The following CDH13 variants were observed in gnomAD, a reference collection of about 807,000 sequenced individuals.
CDH13 encodes the protein cadherin 13, also known as cadherin-13.
A neutral mutation model predicts 63.8 loss-of-function variants in CDH13; 24 were observed. The ratio of observed to expected loss-of-function variants is 0.38; its 90% CI spans 0.27 to 0.53. The LOEUF (loss-of-function observed/expected upper bound fraction) is 0.53, where lower values mean the gene tolerates loss of function less well. Among genes scored for constraint, CDH13 ranks in the 20% least tolerant of loss-of-function variants. CDH13 has a pLI of 0.85. For synonymous variants in CDH13, 503 were observed against 355.3 expected (o/e 1.42, Z -4.67); for missense variants, 1,049 against 903.1 (o/e 1.16, Z -2.07).
chr16:82,717,457 GC>G (rs5818400), intron 1 of CDH13, among the ~76,000 whole-genome samples: 4 of 140,544 alleles, frequency 2.8e-5, no homozygotes, highest in Non-Finnish European at 4.6e-5. Context: ...AAAAAAAAGA[GC>G]CCCCCCACTC....
At chr16:83,746,419 C>G (rs1912590047) in intron 10 of CDH13, among the ~76,000 whole-genome samples, 1 of 152,160 alleles carries the variant, frequency 6.6e-6, no homozygotes, top group Non-Finnish European at 1.5e-5. Flanking sequence ...CAAACAACCC[C>G]AAGATAACTC....
intron 2 of CDH13, among the ~76,000 whole-genome samples, chr16:82,894,198 A>T (rs1038613109): frequency 2.0e-5 from 3 of 151,812 alleles, no homozygotes; most frequent in African/African-American, 7.3e-5. Flanking sequence ...CAAGCAATCC[A>T]CCTGTCTTGG....
chr16:82,672,768 TACACACACACACACACAC>T (rs58819198), intron 1 of CDH13, among the ~76,000 whole-genome samples: 5 of 144,566 alleles, frequency 3.5e-5, no homozygotes, highest in African/African-American at 1.3e-4. Flanking sequence ...TATATATGTG[TACACACACACACACACAC>T]ACACACACAC....
rs1159500484 is a variant in CDH13, at chr16:83,153,170, T to A, written c.483+27669T>A. On this transcript the variant is annotated intron_variant, in intron 4 of 13. Transcript: ENST00000567109. ...CCTGAGCATTTGGGGATCAGAGTTT[T>A]TAAAGACAATTTGGTGGGAGGGGAG... Among the ~76,000 whole-genome samples the A allele has an allele frequency of 8.5e-5, 13 of 152,286 alleles. No individual in the cohort carries two copies. The East Asian group carries it at 1.9e-3, about 23-fold the overall frequency.
chr16:83,420,715 G>C (rs1235599974), intron 6 of CDH13, among the ~76,000 whole-genome samples: 1 of 152,168 alleles, frequency 6.6e-6, no homozygotes, highest in East Asian at 1.9e-4. Flanking sequence ...CTGCAAGCTG[G>C]GGAACAGAGA....
chr16:83,212,820 G>T (rs2039378951), intron 4 of CDH13, among the ~76,000 whole-genome samples: 1 of 152,136 alleles, frequency 6.6e-6, no homozygotes, highest in African/African-American at 2.4e-5. Flanking sequence ...CAAGAGGCTT[G>T]GGGGAAGCCT....
intron 1 of CDH13, among the ~76,000 whole-genome samples, chr16:82,714,956 CTT>C (rs1326399644): frequency 2.5e-5 from 3 of 119,642 alleles, no homozygotes; most frequent in Non-Finnish European, 5.4e-5. Context: ...TCACATTTCT[CTT>C]GTTTTACACC....
intron 5 of CDH13, among the ~76,000 whole-genome samples, chr16:83,322,379 A>G (rs2090250341): frequency 6.6e-6 from 1 of 152,176 alleles, no homozygotes; most frequent in Non-Finnish European, 1.5e-5. Context: ...AGGGGATATT[A>G]CTGTGGTCTT....
intron 2 of CDH13, among the ~76,000 whole-genome samples, chr16:82,930,197 G>A (rs530345206): frequency 1.4e-4 from 21 of 151,944 alleles, no homozygotes; most frequent in South Asian, 1.3e-3. Context: ...GGCTGGTCTC[G>A]AACTCCTGGC....
At chr16:82,998,669 T>A (rs1912519690) in intron 2 of CDH13, among the ~76,000 whole-genome samples, 1 of 152,164 alleles carries the variant, frequency 6.6e-6, no homozygotes. Context: ...CAGACATTGA[T>A]CTTGTCCTCT....
At chr16:83,786,531 G>C (rs1915891912) in intron 13 of CDH13, among the ~76,000 whole-genome samples, 1 of 151,860 alleles carries the variant, frequency 6.6e-6, no homozygotes, top group Non-Finnish European at 1.5e-5. Flanking sequence ...CTTTTCTTTT[G>C]TTCTTTTTTT....
chr16:83,201,811 G>A (rs1452798698), intron 4 of CDH13, among the ~76,000 whole-genome samples: 1 of 151,926 alleles, frequency 6.6e-6, no homozygotes, highest in Non-Finnish European at 1.5e-5. Flanking sequence ...CAGCTACTTG[G>A]GAGGCTGAGA....
rs546464224 is a variant in CDH13, at chr16:83,379,245, C to G, written c.781+34239C>G. On this transcript the variant is annotated intron_variant, in intron 6 of 13. Transcript: ENST00000567109. The stretch of plus-strand genomic sequence containing the variant: ...TGTATATGGTTTAGAAGGGCACTGA[C>G]TACCTCTCCCTCAAGTGTCAACTAA... 6.6e-5 allele frequency among the ~76,000 whole-genome samples: 10 copies of G among 152,268 alleles called. No homozygotes were observed. The South Asian group carries it at 1.7e-3, about 25-fold the overall frequency.
At chr16:83,565,957 C>G (rs1037176061) in intron 7 of CDH13, among the ~76,000 whole-genome samples, 1 of 152,184 alleles carries the variant, frequency 6.6e-6, no homozygotes, top group African/African-American at 2.4e-5. Context: ...GCACCCACCT[C>G]TCATGCTATA....
intron 2 of CDH13, among the ~76,000 whole-genome samples, chr16:82,922,451 C>T (rs926510393): frequency 4.6e-5 from 7 of 152,140 alleles, no homozygotes; most frequent in African/African-American, 7.2e-5. Flanking sequence ...TTCGAAGAAG[C>T]AAACATGAGT....
intron 2 of CDH13, among the ~76,000 whole-genome samples, chr16:82,916,463 A>T (rs2041993920): frequency 6.6e-6 from 1 of 152,116 alleles, no homozygotes; most frequent in African/African-American, 2.4e-5. Flanking sequence ...AATCCTAGCT[A>T]GTTGGGAGGC....
At chr16:83,591,009 C>CAAGT (rs1906692531) in intron 7 of CDH13, among the ~76,000 whole-genome samples, 1 of 144,984 alleles carries the variant, frequency 6.9e-6, no homozygotes. Context: ...CTTCTGGTTT[C>CAAGT]AAGTGATCCT....
intron 11 of CDH13, 74 bp from the exon 12 acceptor site, chr16:83,779,894 A>C: frequency 1.0e-6 from 1 of 958,796 alleles, no homozygotes; most frequent in Non-Finnish European, 1.6e-6. Context: ...CTAAGTTTAC[A>C]ATGCAAAAAG....
intron 2 of CDH13, among the ~76,000 whole-genome samples, chr16:82,981,523 G>A (rs1466992760): frequency 1.3e-5 from 2 of 151,982 alleles, no homozygotes; most frequent in African/African-American, 4.8e-5. Context: ...TCCTTGTTAG[G>A]GCTTAACCCT....
Sources: allele counts gnomAD v4.1 joint callset (sites outside exome capture counted in the v4.1 genomes callset), GRCh38; gene constraint gnomAD v4.1.1; transcripts MANE v1.5; gene names NCBI Gene and HGNC (gene_info 2026-07-23, HGNC 2026-07-21).